Variants in LDLRAD3 observed in about 807,000 individuals in gnomAD.
LDLRAD3 encodes the protein low density lipoprotein receptor class A domain containing 3, also known as low-density lipoprotein receptor class A domain-containing protein 3.
Under a neutral mutation model 29.4 loss-of-function variants are expected in LDLRAD3, and 20 were observed. That is an observed-to-expected ratio of 0.68 (90% CI 0.48 to 0.99). The LOEUF (loss-of-function observed/expected upper bound fraction) is 0.99, where lower values mean the gene tolerates loss of function less well. LDLRAD3 is among the 50% of genes least tolerant of loss of function. The pLI is 0.00. For missense variants in LDLRAD3, 420 were observed against 454.3 expected, an observed-to-expected ratio of 0.92 and a Z score of 0.69; for synonymous variants, 157 against 192.7, an observed-to-expected ratio of 0.81 and a Z score of 1.53.
intron 4 of LDLRAD3, among the ~76,000 whole-genome samples, chr11:36,225,072 C>T (rs1042189692): frequency 1.3e-5 from 2 of 152,114 alleles, no homozygotes; most frequent in African/African-American, 4.8e-5. Flanking sequence ...CAGCAGTGAA[C>T]AAAACAGACG....
intron 4 of LDLRAD3, among the ~76,000 whole-genome samples, chr11:36,173,551 G>A (rs1854628977): frequency 6.6e-6 from 1 of 151,932 alleles, no homozygotes; most frequent in Admixed American, 6.6e-5. Context: ...ATTCCATGGT[G>A]TATATATGCC....
rs115645778 is a variant in LDLRAD3 at position 36,085,319 on chromosome 11, A to G, written c.319+3541A>G. On this transcript the variant is annotated intron_variant, in intron 3 of 5. Transcript: ENST00000315571. ...TTCAAGTTGTTTCCCCGTAGATTAT[A>G]TATCATTTTTCTTTAGCTGCTTTGA... Among the ~76,000 whole-genome samples the G allele has an allele frequency of 3.4e-3, 511 of 148,224 alleles. 1 individual carries two copies. Among genetic ancestry groups the G allele is most frequent in the African/African-American group, 0.012 (484 of 40,352 alleles).
chr11:36,017,535 C>CT (rs60585852), intron 1 of LDLRAD3, among the ~76,000 whole-genome samples: 55 of 129,736 alleles, frequency 4.2e-4, no homozygotes, highest in South Asian at 3.0e-3. Context: ...ATTTTATCAT[C>CT]TTTTTTTTTT....
At chr11:36,176,674 G>A (rs1256393766) in intron 4 of LDLRAD3, among the ~76,000 whole-genome samples, 1 of 152,168 alleles carries the variant, frequency 6.6e-6, no homozygotes, top group Non-Finnish European at 1.5e-5. Context: ...TTTCTGCTGA[G>A]AAATCCGCCG....
At chr11:36,218,147 C>T (rs980560228) in intron 4 of LDLRAD3, among the ~76,000 whole-genome samples, 10 of 152,098 alleles carry the variant, frequency 6.6e-5, no homozygotes, top group African/African-American at 2.2e-4. Context: ...ATTATGTTTA[C>T]TCTTGTTTTT....
At chr11:36,109,798 C>A (rs1034023763) in intron 4 of LDLRAD3, 1 of 152,046 alleles carries the variant, frequency 6.6e-6, no homozygotes, top group African/African-American at 2.4e-5. Context: ...TCAAAAATGT[C>A]ACAACCTGGA....
intron 4 of LDLRAD3, among the ~76,000 whole-genome samples, chr11:36,125,451 G>C (rs547611395): frequency 2.6e-5 from 4 of 152,148 alleles, no homozygotes; most frequent in Non-Finnish European, 4.4e-5. Flanking sequence ...TGCCTAATAC[G>C]CAGCAAGCAG....
At chr11:36,105,280 G>A (rs548327353) in intron 4 of LDLRAD3, among the ~76,000 whole-genome samples, 1 of 151,748 alleles carries the variant, frequency 6.6e-6, no homozygotes, top group Non-Finnish European at 1.5e-5. Context: ...GGCGGTGTGT[G>A]TGGTTGTAAG....
At chr11:36,129,000 G>T (rs1853886117) in intron 4 of LDLRAD3, among the ~76,000 whole-genome samples, 1 of 152,166 alleles carries the variant, frequency 6.6e-6, no homozygotes, top group Non-Finnish European at 1.5e-5. Flanking sequence ...CTGTGAGATG[G>T]AGGGAAATGG....
At chr11:36,099,199 A>G (rs192697853) in intron 4 of LDLRAD3, among the ~76,000 whole-genome samples, 566 of 152,264 alleles carry the variant, frequency 3.7e-3, no homozygotes, top group Non-Finnish European at 5.4e-3. Flanking sequence ...ATGCAGCTGG[A>G]GGATGGGAAG....
At chr11:36,115,062 C>T (rs1853655734) in intron 4 of LDLRAD3, among the ~76,000 whole-genome samples, 1 of 152,150 alleles carries the variant, frequency 6.6e-6, no homozygotes, top group Non-Finnish European at 1.5e-5. Flanking sequence ...GAGCTTCAGC[C>T]ACCATGTGAA....
intron 1 of LDLRAD3, among the ~76,000 whole-genome samples, chr11:36,015,965 A>G (rs1021087774): frequency 6.6e-6 from 1 of 152,238 alleles, no homozygotes; most frequent in African/African-American, 2.4e-5. Flanking sequence ...TGGAAGACCC[A>G]GTAGCATGGA....
intron 3 of LDLRAD3, among the ~76,000 whole-genome samples, chr11:36,088,438 T>A (rs1005287435): frequency 2.0e-5 from 3 of 152,166 alleles, no homozygotes; most frequent in Admixed American, 1.3e-4. Flanking sequence ...TTTAGTGTAG[T>A]TGTGCCCAGA....
At chr11:36,030,659 T>C (rs1346369861) in intron 1 of LDLRAD3, among the ~76,000 whole-genome samples, 1 of 152,126 alleles carries the variant, frequency 6.6e-6, no homozygotes, top group Non-Finnish European at 1.5e-5. Context: ...TATGTATGGG[T>C]GTCTGTCTTG....
chr11:36,224,066 CATT>C (rs1333816587), intron 4 of LDLRAD3, among the ~76,000 whole-genome samples: 2 of 148,210 alleles, frequency 1.3e-5, no homozygotes, highest in East Asian at 2.0e-4. Flanking sequence ...TCTATTTTAT[CATT>C]ATTATATAAT....
rs772094472 is a variant in LDLRAD3, at chr11:36,134,707, A to G, written c.454+36246A>G. On this transcript the variant is annotated intron_variant, in intron 4 of 5. Coordinates refer to ENST00000315571, the MANE Select transcript of LDLRAD3 (RefSeq NM_174902.4). ...CATCTGTTACGGACCTCATTGAGAA[A>G]TGGAATCATTCATTCCCTCTTGGGC... Among the ~76,000 whole-genome samples, 17 of 152,198 alleles carry G rather than the reference A, an allele frequency of 1.1e-4. 1 individual carries two copies. Among genetic ancestry groups the G allele is most frequent in the Admixed American group, 2.6e-4 (4 of 15,280 alleles).
chr11:36,108,161 A>C (rs1246857810), intron 4 of LDLRAD3, among the ~76,000 whole-genome samples: 3 of 151,780 alleles, frequency 2.0e-5, no homozygotes, highest in African/African-American at 7.3e-5. Context: ...CTAAAAATAC[A>C]AAAACAAAAT....
At chr11:36,048,740 A>G (rs1415496191) in intron 2 of LDLRAD3, among the ~76,000 whole-genome samples, 1 of 152,170 alleles carries the variant, frequency 6.6e-6, no homozygotes, top group African/African-American at 2.4e-5. Flanking sequence ...GAATCCCACC[A>G]GGCCTCTTCC....
chr11:36,139,589 C>G (rs1179964976), intron 4 of LDLRAD3, among the ~76,000 whole-genome samples: 1 of 152,142 alleles, frequency 6.6e-6, no homozygotes, highest in African/African-American at 2.4e-5. Context: ...CTCATCTTAA[C>G]AGGAAAGATA....
Sources: gnomAD v4.1 joint callset for allele counts (sites outside exome capture counted in the v4.1 genomes callset) on GRCh38, gnomAD v4.1.1 for gene constraint, MANE v1.5 for transcripts, NCBI Gene and HGNC (gene_info 2026-07-23, HGNC 2026-07-21) for gene names.